Variants in PROX1 observed in about 807,000 individuals in gnomAD.
PROX1 encodes prospero homeobox protein 1.
Under a neutral mutation model 58.8 loss-of-function variants are expected in PROX1, and 7 were observed. The observed-to-expected ratio is 0.12, with a 90% CI of 0.07 to 0.22. The LOEUF (loss-of-function observed/expected upper bound fraction) is 0.22. Among genes scored for constraint, PROX1 ranks in the 10% least tolerant of loss-of-function variants. The probability of loss-of-function intolerance (pLI) is 1.00; values close to 1 mark genes in which losing one functional copy is unlikely to be tolerated. For missense variants in PROX1, 675 were observed against 927.8 expected, an observed-to-expected ratio of 0.73 and a Z score of 3.54; for synonymous variants, 350 against 358.3, an observed-to-expected ratio of 0.98 and a Z score of 0.26.
rs563425567 is a variant in PROX1, at chr1:214,040,576, C to G, written c.*4742C>G. On this transcript the variant is annotated 3_prime_UTR_variant, in exon 5 of 5. Coordinates refer to ENST00000366958, the MANE Select transcript of PROX1 (RefSeq NM_001270616.2). ...TACCTAGAAGAATCAAAGGTCATGGCTTCCCTCAATATTGTCCCAGCCATT... is the reference window on the plus strand; with the variant it reads ...TACCTAGAAGAATCAAAGGTCATGGGTTCCCTCAATATTGTCCCAGCCATT... The G allele has an allele frequency of 2.2e-4, 34 of 152,234 alleles. No homozygotes were observed. The highest frequency in any genetic ancestry group is 4.0e-4 in the Non-Finnish European group (27 of 68,008). 9.4% of individuals were successfully genotyped at this position (152,234 alleles called of 1,614,324 possible).
chr1:214,029,638 A>G (rs892198707), intron 4 of PROX1: 1 of 152,160 alleles, frequency 6.6e-6, no homozygotes, highest in African/African-American at 2.4e-5. Flanking sequence ...GATATATTTA[A>G]CTCTACTACT....
chr1:213,990,778 G>A (rs1663007313), intron 1 of PROX1, among the ~76,000 whole-genome samples: 1 of 151,852 alleles, frequency 6.6e-6, no homozygotes, highest in South Asian at 2.1e-4. Context: ...CAGTTTGAAA[G>A]TGTTACTGTT....
intron 4 of PROX1, among the ~76,000 whole-genome samples, chr1:214,023,002 T>A (rs554172390): frequency 1.3e-5 from 2 of 152,298 alleles, no homozygotes; most frequent in African/African-American, 2.4e-5. Flanking sequence ...AGGGTGCCCA[T>A]TTTCGTTTTC....
At chr1:214,006,230 A>C (rs552613016) in intron 3 of PROX1, among the ~76,000 whole-genome samples, 1 of 151,552 alleles carries the variant, frequency 6.6e-6, no homozygotes, top group South Asian at 2.1e-4. Flanking sequence ...CTGCCAAAAC[A>C]CACTCGCTCT....
chr1:213,997,204 G>C lies in PROX1; in HGVS notation c.669G>C (p.Gln223His). 1 of 1,612,816 alleles carries C rather than the reference G, an allele frequency of 6.2e-7. No individual in the cohort carries two copies. The change falls in exon 2 of 5, where the codon CAG becomes CAC. Residue 223 changes from glutamine to histidine, a missense_variant. Transcript: ENST00000366958. The surrounding 1 kb of genome is among the most constrained non-coding windows in gnomAD (Gnocchi z 7.1). ...LPQQQQQSFQ[Q>H]LVSARKEQKR... is the part of the protein sequence containing the mutation. Reference sequence around the variant, plus strand: ...AGCAGCAGCAACAGAGTTTCCAGCAGCTGGTTTCAGCCCGAAAAGAACAGA... The same window carrying C: ...AGCAGCAGCAACAGAGTTTCCAGCACCTGGTTTCAGCCCGAAAAGAACAGA...
In PROX1 at chr1:213,994,750, A is replaced by AATATATAT. The variant is rs66460564; in HGVS notation, c.-67-1673_-67-1666dup. On this transcript the variant is annotated intron_variant, in intron 1 of 4. Coordinates refer to ENST00000366958, the MANE Select transcript of PROX1 (RefSeq NM_001270616.2). Reference sequence around the variant, plus strand: ...AAAGTATTTCATTCTCAAGCATGCAAATATATATATATATATATATATATA... The same window carrying AATATATAT: ...AAAGTATTTCATTCTCAAGCATGCAAATATATATATATATATATATATATATATATATA... Among the ~76,000 whole-genome samples the AATATATAT allele has an allele frequency of 3.1e-3, 272 of 88,154 alleles. 8 individuals carry two copies. Among genetic ancestry groups the AATATATAT allele is most frequent in the Non-Finnish European group, 4.0e-3 (179 of 44,642 alleles). 57.8% of individuals were successfully genotyped at this position (88,154 alleles called of 152,430 possible). A position where few individuals can be genotyped will look rare whatever the true frequency, so the allele number is the denominator to read the frequency against.
At chr1:213,993,216 C>T (rs1172715272) in intron 1 of PROX1, among the ~76,000 whole-genome samples, 4 of 152,124 alleles carry the variant, frequency 2.6e-5, no homozygotes, top group East Asian at 1.9e-4. Flanking sequence ...TAAGTGTATC[C>T]GATCAATAAT....
rs1234807546 is a variant in PROX1 at position 213,997,700 on chromosome 1, C to T, written c.1165C>T (p.Pro389Ser). The change falls in exon 2 of 5, where the codon CCC (proline) becomes TCC (serine). Residue 389 changes from proline to serine, a missense_variant. This residue lies in a region of PROX1 where 403 missense variants were observed against 477.4 expected (regional missense o/e 0.84). Coordinates refer to ENST00000366958, the MANE Select transcript of PROX1 (RefSeq NM_001270616.2). This position sits in a 1 kb window ranked among gnomAD's most constrained non-coding sequence, Gnocchi z 7.1. ...TCAGGTCTTCCCACCTCTCCAGATC[C>T]CCCAGGCCAGATTTGCAGTCAATGG... ...VPQVFPPLQIPQARFAVNGEN... is the reference protein window; with the variant it reads ...VPQVFPPLQISQARFAVNGEN... 4 of 1,614,066 alleles carry T rather than the reference C, an allele frequency of 2.5e-6. No homozygotes were observed. Among genetic ancestry groups the T allele is most frequent in the Non-Finnish European group, 8.5e-7 (1 of 1,179,986 alleles).
rs1360384129 is a variant in PROX1, at chr1:213,994,773, AT to A, written c.-67-1695del. ...CAAATATATATATATATATATATAT[AT>A]ATATATATATATATATATATATATA... On this transcript the variant is annotated intron_variant, in intron 1 of 4. Transcript: ENST00000366958. Among the ~76,000 whole-genome samples the A allele has an allele frequency of 3.8e-3, 121 of 31,862 alleles. 8 individuals are homozygous for A. Among genetic ancestry groups the A allele is most frequent in the African/African-American group, 9.7e-3 (115 of 11,888 alleles). 20.9% of individuals were successfully genotyped at this position (31,862 alleles called of 152,430 possible). A position where few individuals can be genotyped will look rare whatever the true frequency, so the allele number is the denominator to read the frequency against.
In PROX1 at chr1:214,039,098, A is replaced by G. The variant is rs769575145; in HGVS notation, c.*3264A>G. ...CACATACACACATATACACACATGT[A>G]AAAATATACATATATATATATGCGT... On this transcript the variant is annotated 3_prime_UTR_variant, in exon 5 of 5. Transcript: ENST00000366958. 5.3e-5 allele frequency: 8 copies of G among 152,230 alleles called. No individual in the cohort carries two copies. Among genetic ancestry groups the G allele is most frequent in the Non-Finnish European group, 7.3e-5 (5 of 68,050 alleles). 9.4% of individuals were successfully genotyped at this position (152,230 alleles called of 1,614,324 possible).
chr1:214,036,643 T>A lies in PROX1; in HGVS notation c.*809T>A, dbSNP rs1192727303. 1 of 152,222 alleles carries A rather than the reference T, an allele frequency of 6.6e-6. No individual in the cohort carries two copies. Among genetic ancestry groups the A allele is most frequent in the African/African-American group, 2.4e-5 (1 of 41,462 alleles). 9.4% of individuals were successfully genotyped at this position (152,222 alleles called of 1,614,324 possible). On this transcript the variant is annotated 3_prime_UTR_variant, in exon 5 of 5. Coordinates refer to ENST00000366958, the MANE Select transcript of PROX1 (RefSeq NM_001270616.2). ...CTTCATAAAGAAAAATCCTATAACT[T>A]GTTATCATTTTTGCTTCAGATACTA...
Position 214,011,779 on chromosome 1 carries a change from T to C in PROX1, c.2028+64T>C, listed in dbSNP as rs1663916666. On this transcript the variant is annotated intron_variant, in intron 4 of 4. Transcript: ENST00000366958. The stretch of plus-strand genomic sequence containing the variant: ...CCTTTTTTAAAAAATTTATTTTCTT[T>C]AGAAATGTACCCAAATCTGTTTTTG... The C allele has an allele frequency of 3.6e-5, 50 of 1,375,218 alleles. No individual in the cohort carries two copies. The South Asian group carries it at 7.2e-4, about 20-fold the overall frequency. The allele number at this position is 1,375,218 out of a possible 1,614,324, so 85.2% of individuals were successfully genotyped here. A position where few individuals can be genotyped will look rare whatever the true frequency, so the allele number is the denominator to read the frequency against.
intron 2 of PROX1, among the ~76,000 whole-genome samples, chr1:214,003,365 A>G (rs1663592311): frequency 6.6e-6 from 1 of 152,244 alleles, no homozygotes; most frequent in Admixed American, 6.5e-5. Context: ...ATCACAAGGC[A>G]GTCGCAGACA....
chr1:213,988,426 TAG>T lies in PROX1; in HGVS notation c.-96_-95del, dbSNP rs563659906. 9.8e-3 allele frequency: 1,333 copies of T among 135,734 alleles called. 5 individuals are homozygous for T. The highest frequency in any genetic ancestry group is 0.017 in the African/African-American group (629 of 37,108). 8.4% of individuals were successfully genotyped at this position (135,734 alleles called of 1,614,324 possible). ...GGGAAAAAAAAGAGAGAGAGAGAGATAGAGAGAGAGAGAGAGAGAGAGAGAGA... is the reference window on the plus strand; with the variant it reads ...GGGAAAAAAAAGAGAGAGAGAGAGATAGAGAGAGAGAGAGAGAGAGAGAGA... On this transcript the variant is annotated 5_prime_UTR_variant, in exon 1 of 5. Transcript: ENST00000366958.
chr1:214,015,089 T>G (rs1021990908), intron 4 of PROX1, among the ~76,000 whole-genome samples: 3 of 152,136 alleles, frequency 2.0e-5, no homozygotes, highest in Non-Finnish European at 4.4e-5. Flanking sequence ...GTTTACACAA[T>G]TGCCAGAATT....
At chr1:213,995,900 C>T (rs1314183608) in intron 1 of PROX1, among the ~76,000 whole-genome samples, 1 of 152,158 alleles carries the variant, frequency 6.6e-6, no homozygotes, top group African/African-American at 2.4e-5. Flanking sequence ...GGGTGTTCTC[C>T]TTCCCATTTT....
chr1:214,007,828 C>T (rs772408827), intron 3 of PROX1, among the ~76,000 whole-genome samples: 2 of 152,110 alleles, frequency 1.3e-5, no homozygotes, highest in Non-Finnish European at 2.9e-5. Flanking sequence ...TTTATTTTGG[C>T]CAGGATTCAA....
intron 4 of PROX1, among the ~76,000 whole-genome samples, chr1:214,019,750 T>C (rs753117886): frequency 2.6e-5 from 4 of 152,208 alleles, no homozygotes; most frequent in Admixed American, 6.5e-5. Context: ...AAGCACATCT[T>C]CTTTGTTGCG....
intron 2 of PROX1, among the ~76,000 whole-genome samples, chr1:214,000,300 T>A (rs111596757): frequency 5.9e-4 from 90 of 152,366 alleles, no homozygotes; most frequent in African/African-American, 2.1e-3. Context: ...CTTTAAGTGT[T>A]GGCTATGTTC....
Sources: allele counts gnomAD v4.1 joint callset (sites outside exome capture counted in the v4.1 genomes callset), GRCh38; gene constraint gnomAD v4.1.1; regional missense constraint gnomAD v4.1.1; non-coding constraint Gnocchi (gnomAD v3.1); transcripts MANE v1.5; gene names NCBI Gene and HGNC (gene_info 2026-07-23, HGNC 2026-07-21).